Variants in OR1D2 observed in about 807,000 individuals in gnomAD.
OR1D2 encodes the protein olfactory receptor family 1 subfamily D member 2.
For missense variants in OR1D2, 357 were observed against 376.1 expected, an observed-to-expected ratio of 0.95 and a Z score of 0.42; for synonymous variants, 157 against 153.9, an observed-to-expected ratio of 1.02 and a Z score of -0.15.
intron 1 of OR1D2, among the ~76,000 whole-genome samples, chr17:3,093,325 A>G (rs1485155230): frequency 6.6e-6 from 1 of 152,238 alleles, no homozygotes; most frequent in African/African-American, 2.4e-5. Flanking sequence ...ATTAATATAG[A>G]TACATGCAGT....
At chr17:3,102,479 A>G (rs2047879397) in intron 1 of OR1D2, among the ~76,000 whole-genome samples, 1 of 152,184 alleles carries the variant, frequency 6.6e-6, no homozygotes, top group African/African-American at 2.4e-5. Context: ...CTACGGTGCT[A>G]TGTATATACA....
intron 1 of OR1D2, among the ~76,000 whole-genome samples, chr17:3,093,517 C>G (rs1381053807): frequency 2.6e-5 from 4 of 152,182 alleles, no homozygotes; most frequent in Non-Finnish European, 5.9e-5. Context: ...CGCACTGCCA[C>G]TTACTTGCTG....
At chr17:3,101,960 G>A (rs2047876686) in intron 1 of OR1D2, among the ~76,000 whole-genome samples, 2 of 152,114 alleles carry the variant, frequency 1.3e-5, no homozygotes, top group Admixed American at 1.3e-4. Flanking sequence ...AATGATAAAT[G>A]TCTGAGGTGA....
chr17:3,101,446 G>C (rs935342996), intron 1 of OR1D2, among the ~76,000 whole-genome samples: 21 of 152,262 alleles, frequency 1.4e-4, no homozygotes, highest in African/African-American at 4.6e-4. Context: ...AATAGAGGCA[G>C]AAAAGCATTT....
intron 1 of OR1D2, among the ~76,000 whole-genome samples, chr17:3,099,307 A>C (rs550839840): frequency 1.2e-4 from 19 of 152,318 alleles, no homozygotes; most frequent in Admixed American, 1.0e-3. Context: ...AAAGGTGACC[A>C]TCAGACTAAC....
At chr17:3,103,401 T>C (rs1030865575) in intron 1 of OR1D2, among the ~76,000 whole-genome samples, 6 of 152,126 alleles carry the variant, frequency 3.9e-5, no homozygotes, top group African/African-American at 1.4e-4. Context: ...CCATTGCATC[T>C]GGCCAGATAC....
At chr17:3,099,912 C>G (rs2047867147) in intron 1 of OR1D2, among the ~76,000 whole-genome samples, 4 of 151,984 alleles carry the variant, frequency 2.6e-5, no homozygotes, top group South Asian at 4.1e-4. Context: ...GACCTTAAAC[C>G]AACAAAGATA....
intron 1 of OR1D2, among the ~76,000 whole-genome samples, chr17:3,102,033 G>A (rs1011022411): frequency 6.6e-6 from 1 of 152,026 alleles, no homozygotes; most frequent in East Asian, 1.9e-4. Flanking sequence ...AATATCACAT[G>A]TACCCCCAAA....
chr17:3,092,614 C>A lies in OR1D2; in HGVS notation c.383G>T (p.Cys128Phe). ...MAYDRYVAIC[C>F]PLHYTTAMSP... The stretch of plus-strand genomic sequence containing the variant: ...CATGGCTGTGGTGTAGTGGAGGGGG[C>A]AGCAGATGGCCACATAGCGGTCATA... Residue 128 changes from cysteine (C) to phenylalanine (F), a missense_variant, in exon 2 of 2, where the codon TGC (cysteine) becomes TTC (phenylalanine). By Grantham distance (205) the Cys-to-Phe change is radical. Transcript: ENST00000641833. 6.2e-7 allele frequency: 1 copy of A among 1,613,896 alleles called. No individual in the cohort carries two copies. Among genetic ancestry groups the A allele is most frequent in the South Asian group, 1.1e-5 (1 of 91,080 alleles).
chr17:3,102,285 A>G (rs952232330), intron 1 of OR1D2, among the ~76,000 whole-genome samples: 2 of 152,144 alleles, frequency 1.3e-5, no homozygotes, highest in African/African-American at 2.4e-5. Context: ...TGGCAGTCCT[A>G]GCATTCATCA....
rs551951789 is a variant in OR1D2, at chr17:3,102,869, T to A, written c.-51+1230A>T. Reference sequence around the variant, plus strand: ...CACCCCTTTCTAGTAGGGAACCCACTCTCTCAGTACAAAGAGCAACAGGGT... The same window carrying A: ...CACCCCTTTCTAGTAGGGAACCCACACTCTCAGTACAAAGAGCAACAGGGT... On this transcript the variant is annotated intron_variant, in intron 1 of 1. Coordinates refer to ENST00000641833, the MANE Select transcript of OR1D2 (RefSeq NM_002548.3). 2.0e-5 allele frequency among the ~76,000 whole-genome samples: 3 copies of A among 152,258 alleles called. No homozygotes were observed. In the East Asian group the frequency reaches 5.8e-4, roughly 29 times the overall value.
rs769197703 is a variant in OR1D2, at chr17:3,092,959, AG to A, written c.37del (p.Leu13PhefsTer71). On this transcript the variant is annotated frameshift_variant, in exon 2 of 2. Transcript: ENST00000641833. LOFTEE classifies it low-confidence loss of function (END_TRUNC). ...AGGACTCTCTGACATCCCCAGGAGAAGGAACTCTGAACCTTCACTCTGGTTG... is the reference window on the plus strand; with the variant it reads ...AGGACTCTCTGACATCCCCAGGAGAAGAACTCTGAACCTTCACTCTGGTTG... ...GGNQSEGSEFLLLGMSESPEQ... is the reference protein window; with the variant it reads ...GGNQSEGSEFXLLGMSESPEQ... The A allele has an allele frequency of 3.1e-6, 5 of 1,614,050 alleles. No individual in the cohort carries two copies. Among genetic ancestry groups the A allele is most frequent in the Non-Finnish European group, 4.2e-6 (5 of 1,179,988 alleles).
At chr17:3,095,791 T>C (rs1191584055) in intron 1 of OR1D2, among the ~76,000 whole-genome samples, 1 of 152,056 alleles carries the variant, frequency 6.6e-6, no homozygotes, top group Non-Finnish European at 1.5e-5. Flanking sequence ...CCATAGCATA[T>C]AGAAATATAT....
chr17:3,092,849 T>C lies in OR1D2; in HGVS notation c.148A>G (p.Ser50Gly). Reference protein sequence around the residue: ...VGNVLIILAISSDSRLHTPVY... With the variant: ...VGNVLIILAIGSDSRLHTPVY... ...GGGGTGTGCAGGCGGGAATCAGAGC[T>C]GATGGCCAGGATGATGAGCACATTT... The change falls in exon 2 of 2, where the codon AGC becomes GGC. Residue 50 changes from serine to glycine, a missense_variant. Transcript: ENST00000641833. 1 of 1,614,084 alleles carries C rather than the reference T, an allele frequency of 6.2e-7. No individual in the cohort carries two copies. The highest frequency in any genetic ancestry group is 8.5e-7 in the Non-Finnish European group (1 of 1,180,012).
chr17:3,097,742 AC>A (rs1457676120), intron 1 of OR1D2, among the ~76,000 whole-genome samples: 1 of 152,198 alleles, frequency 6.6e-6, no homozygotes, highest in Non-Finnish European at 1.5e-5. Flanking sequence ...GCAGCACCCA[AC>A]ATTGGGACTG....
intron 1 of OR1D2, among the ~76,000 whole-genome samples, chr17:3,100,898 A>G (rs2047872233): frequency 6.6e-6 from 1 of 152,208 alleles, no homozygotes; most frequent in South Asian, 2.1e-4. Flanking sequence ...AAATACCCCT[A>G]CGCAAATAAA....
intron 1 of OR1D2, among the ~76,000 whole-genome samples, chr17:3,093,893 T>C (rs1327404491): frequency 6.6e-6 from 1 of 152,194 alleles, no homozygotes; most frequent in Non-Finnish European, 1.5e-5. Flanking sequence ...TTTGAATTAA[T>C]TGAAAGTTTA....
chr17:3,093,957 C>T (rs994339595), intron 1 of OR1D2, among the ~76,000 whole-genome samples: 8 of 152,114 alleles, frequency 5.3e-5, no homozygotes, highest in Non-Finnish European at 1.0e-4. Flanking sequence ...GTCTAAATTT[C>T]ATCTAAATAT....
chr17:3,097,142 G>A (rs1409407939), intron 1 of OR1D2, among the ~76,000 whole-genome samples: 1 of 152,142 alleles, frequency 6.6e-6, no homozygotes, highest in Non-Finnish European at 1.5e-5. Context: ...GTTCTTCCAG[G>A]AATTTATCCA....
Sources: gnomAD v4.1 joint callset for allele counts (sites outside exome capture counted in the v4.1 genomes callset) on GRCh38, gnomAD v4.1.1 for gene constraint, MANE v1.5 for transcripts, NCBI Gene and HGNC (gene_info 2026-07-23, HGNC 2026-07-21) for gene names.